DPP6: variants seen among roughly 807,000 people sequenced by gnomAD.
DPP6 encodes the protein A-type potassium channel modulatory protein DPP6.
In DPP6, 69 loss-of-function variants were observed where a neutral mutation model predicts 122.6. That is an observed-to-expected ratio of 0.56 (90% CI 0.46 to 0.69). The LOEUF is 0.69. Among genes scored for constraint, DPP6 ranks in the 30% least tolerant of loss-of-function variants. DPP6 has a pLI of 0.00. For synonymous variants in DPP6, 418 were observed against 433.1 expected (o/e 0.97, Z 0.43); for missense variants, 928 against 1,116.9 (o/e 0.83, Z 2.41).
At chr7:154,499,946 G>T (rs997062281) in intron 3 of DPP6, among the ~76,000 whole-genome samples, 4 of 152,162 alleles carry the variant, frequency 2.6e-5, no homozygotes, top group African/African-American at 9.7e-5. Flanking sequence ...GGCACATGGG[G>T]TGACATCCAG....
intron 8 of DPP6, among the ~76,000 whole-genome samples, chr7:154,759,197 C>T (rs1795350215): frequency 6.6e-6 from 1 of 152,220 alleles, no homozygotes; most frequent in Non-Finnish European, 1.5e-5. Flanking sequence ...ACAGCAATTT[C>T]CCGCAGACTC....
At chr7:154,698,493 G>A (rs905063109) in intron 7 of DPP6, among the ~76,000 whole-genome samples, 8 of 151,982 alleles carry the variant, frequency 5.3e-5, no homozygotes, top group Admixed American at 1.3e-4. Context: ...TATGCAATTC[G>A]TTTTAAAGAG....
chr7:154,250,750 A>T (rs1802301679), intron 1 of DPP6, among the ~76,000 whole-genome samples: 2 of 152,164 alleles, frequency 1.3e-5, no homozygotes, highest in African/African-American at 4.8e-5. Context: ...AGACGAAGGA[A>T]AAGAGAGAAG....
At chr7:154,296,977 C>T (rs945831661) in intron 1 of DPP6, among the ~76,000 whole-genome samples, 4 of 151,850 alleles carry the variant, frequency 2.6e-5, no homozygotes, top group East Asian at 1.9e-4. Context: ...GCTGACAAGC[C>T]GTGTAGGAAG....
chr7:153,773,330 A>ATATTT, the DPP6 span, among the ~76,000 whole-genome samples: 3 of 139,958 alleles, frequency 2.1e-5, no homozygotes, highest in Admixed American at 7.5e-5. Context: ...ATATATATAT[A>ATATTT]TTTTTTTTTA....
intron 1 of DPP6, among the ~76,000 whole-genome samples, chr7:154,350,645 G>A (rs1054602809): frequency 6.6e-5 from 10 of 152,088 alleles, no homozygotes; most frequent in African/African-American, 2.2e-4. Flanking sequence ...GGGTATCACT[G>A]CTCTGCCTTG....
intron 1 of DPP6, among the ~76,000 whole-genome samples, chr7:154,302,041 T>A (rs1805943877): frequency 6.6e-6 from 1 of 151,674 alleles, no homozygotes; most frequent in Non-Finnish European, 1.5e-5. Flanking sequence ...ATGGTCTCGA[T>A]CTCCTGACCT....
chr7:153,918,466 A>ACTCTCT (rs1202248132), intron 1 of DPP6, among the ~76,000 whole-genome samples: 7 of 95,990 alleles, frequency 7.3e-5, no homozygotes, highest in African/African-American at 1.2e-4. Context: ...ACACACACAC[A>ACTCTCT]CTCTCTCTCT....
At chr7:154,127,674 C>CACACACACACACACACACACAT (rs1244574560) in intron 1 of DPP6, among the ~76,000 whole-genome samples, 1 of 148,044 alleles carries the variant, frequency 6.8e-6, no homozygotes, top group African/African-American at 2.5e-5. Context: ...CACACACACA[C>CACACACACACACACACACACAT]ACAAAACAGC....
chr7:154,054,243 C>A (rs1800632477), intron 1 of DPP6, among the ~76,000 whole-genome samples: 2 of 152,182 alleles, frequency 1.3e-5, no homozygotes, highest in Admixed American at 6.5e-5. Flanking sequence ...TTGGTCATTA[C>A]CTCTCTGCAG....
chr7:153,926,918 C>A (rs1249929786), intron 1 of DPP6, among the ~76,000 whole-genome samples: 1 of 151,916 alleles, frequency 6.6e-6, no homozygotes, highest in Non-Finnish European at 1.5e-5. Context: ...AAAATGTATA[C>A]ACACACCTAC....
intron 1 of DPP6, among the ~76,000 whole-genome samples, chr7:154,337,462 G>T (rs540522143): frequency 6.6e-6 from 1 of 152,168 alleles, no homozygotes; most frequent in Admixed American, 6.5e-5. Flanking sequence ...TTTAGAAAAC[G>T]TCTAAAATCT....
At position 154,891,805 on chromosome 7, in the gene DPP6, C is replaced by T. The variant is rs185846761; in HGVS notation, c.2452-529C>T. Among the ~76,000 whole-genome samples, 1,259 of 152,204 alleles carry T rather than the reference C, an allele frequency of 8.3e-3. 16 individuals are homozygous for T. The highest frequency in any genetic ancestry group is 0.028 in the African/African-American group (1,146 of 41,508). On this transcript the variant is annotated intron_variant, in intron 25 of 25. Coordinates refer to ENST00000377770, the MANE Select transcript of DPP6 (RefSeq NM_130797.4). ...TTTACCGTGTTGGCCAGGCTGGTCT[C>T]GAACTCCTGACCTCAAGTGATCCTC...
chr7:154,797,184 C>A (rs4960615), intron 12 of DPP6, among the ~76,000 whole-genome samples: 5,309 of 152,200 alleles, frequency 0.035, 298 homozygotes, highest in African/African-American at 0.12. Context: ...TGTGTTCAAC[C>A]AATATTTATG....
chr7:154,031,885 G>C (rs1464349562), intron 1 of DPP6, among the ~76,000 whole-genome samples: 1 of 145,916 alleles, frequency 6.9e-6, no homozygotes, highest in Non-Finnish European at 1.5e-5. Flanking sequence ...TTTGGGGGAC[G>C]GGGTCTCGCT....
At chr7:153,946,815 C>T (rs918540315) in intron 1 of DPP6, among the ~76,000 whole-genome samples, 4 of 152,126 alleles carry the variant, frequency 2.6e-5, no homozygotes, top group Non-Finnish European at 4.4e-5. Flanking sequence ...ATGGTAAATA[C>T]GATTTGGCTG....
At chr7:154,539,221 A>G (rs1353375363) in intron 3 of DPP6, among the ~76,000 whole-genome samples, 1 of 152,110 alleles carries the variant, frequency 6.6e-6, no homozygotes, top group Non-Finnish European at 1.5e-5. Context: ...TCAACCTGCA[A>G]CCCTACATTT....
At chr7:154,272,524 C>A (rs971859239) in intron 1 of DPP6, among the ~76,000 whole-genome samples, 3 of 152,180 alleles carry the variant, frequency 2.0e-5, no homozygotes, top group African/African-American at 4.8e-5. Flanking sequence ...AGCACTTGGG[C>A]AAATTTTCCT....
At chr7:154,631,502 A>G (rs975924155) in intron 5 of DPP6, among the ~76,000 whole-genome samples, 12 of 152,212 alleles carry the variant, frequency 7.9e-5, no homozygotes, top group Non-Finnish European at 1.3e-4. Context: ...GTGAAGGGCC[A>G]TGATAGTTAC....
Sources: allele counts gnomAD v4.1 joint callset (sites outside exome capture counted in the v4.1 genomes callset), GRCh38; gene constraint gnomAD v4.1.1; transcripts MANE v1.5; gene names NCBI Gene and HGNC (gene_info 2026-07-23, HGNC 2026-07-21).